Variants in GFM2 observed in about 807,000 individuals in gnomAD.
The protein encoded by GFM2 is GTP dependent ribosome recycling factor mitochondrial 2, also known as ribosome-releasing factor 2, mitochondrial.
GFM2 carries 72 observed loss-of-function variants against 95.4 expected under a neutral mutation model. That is an observed-to-expected ratio of 0.76 (90% confidence interval 0.62 to 0.92). The LOEUF is 0.92. GFM2 is among the 40% of genes least tolerant of loss of function. The probability of loss-of-function intolerance (pLI) is 0.00; values close to 1 mark genes in which losing one functional copy is unlikely to be tolerated. For missense variants in GFM2, 825 were observed against 924.1 expected (o/e 0.89, Z 1.39); for synonymous variants, 276 against 317.5 (o/e 0.87, Z 1.39).
intron 1 of GFM2, among the ~76,000 whole-genome samples, chr5:74,764,240 C>T (rs1332275419): frequency 6.6e-6 from 1 of 152,194 alleles, no homozygotes; most frequent in Non-Finnish European, 1.5e-5. Flanking sequence ...AAAGCAAGTC[C>T]TCTTCCTCTC....
intron 17 of GFM2, among the ~76,000 whole-genome samples, chr5:74,728,540 T>C (rs1294683162): frequency 1.3e-5 from 2 of 152,100 alleles, no homozygotes; most frequent in Non-Finnish European, 2.9e-5. Flanking sequence ...AAACCCATGT[T>C]GTTCAAGGGT....
chr5:74,733,590 G>T (rs1742683986), intron 15 of GFM2, among the ~76,000 whole-genome samples: 1 of 152,138 alleles, frequency 6.6e-6, no homozygotes, highest in Non-Finnish European at 1.5e-5. Flanking sequence ...GAGATCAGTG[G>T]GCAAAAGGAA....
In GFM2 at chr5:74,730,412, G is replaced by C. The variant is rs1161447707; in HGVS notation, c.1588-14C>G. Reference sequence around the variant, plus strand: ...ACACAGAACAGTCTGGTTACCAGAGGAATGAAATAAAAGATTAAGGGTAAA... The same window carrying C: ...ACACAGAACAGTCTGGTTACCAGAGCAATGAAATAAAAGATTAAGGGTAAA... On this transcript the variant is annotated splice_polypyrimidine_tract_variant and intron_variant, in intron 16 of 20. Coordinates refer to ENST00000296805, the MANE Select transcript of GFM2 (RefSeq NM_032380.5). 1.9e-6 allele frequency: 3 copies of C among 1,547,322 alleles called. No homozygotes were observed.
At chr5:74,722,906 G>A (rs1344476508) in intron 19 of GFM2, among the ~76,000 whole-genome samples, 6 of 151,944 alleles carry the variant, frequency 3.9e-5, no homozygotes, top group Admixed American at 1.3e-4. Flanking sequence ...CATGCCACAT[G>A]CCAGAGACAG....
Position 74,747,798 on chromosome 5 carries a change from A to G in GFM2, c.520-18T>C. The stretch of plus-strand genomic sequence containing the variant: ...GTCTGGGCCTAAAGCAAAGATGAGG[A>G]AAAAAATACATACTGAACAAAAGTA... On this transcript the variant is annotated intron_variant, in intron 7 of 20. Transcript: ENST00000296805. The G allele has an allele frequency of 7.2e-7, 1 of 1,396,322 alleles. No homozygotes were observed. Among genetic ancestry groups the G allele is most frequent in the Non-Finnish European group, 1.0e-6 (1 of 987,952 alleles). The allele number at this position is 1,396,322 out of a possible 1,614,324, so 86.5% of individuals were successfully genotyped here.
At chr5:74,723,824 A>G (rs1349000792) in intron 19 of GFM2, among the ~76,000 whole-genome samples, 2 of 152,176 alleles carry the variant, frequency 1.3e-5, no homozygotes, top group African/African-American at 4.8e-5. Flanking sequence ...TCTTTCCAAG[A>G]ATCCTCCCCA....
intron 7 of GFM2, 122 bp downstream of exon 7, chr5:74,750,457 T>A: frequency 1.7e-6 from 1 of 592,872 alleles, no homozygotes; most frequent in Non-Finnish European, 3.0e-6. Context: ...GATTTCCTTT[T>A]ACCATTATTT....
chr5:74,756,204 A>G (rs535812456), intron 5 of GFM2, among the ~76,000 whole-genome samples: 1 of 152,340 alleles, frequency 6.6e-6, no homozygotes, highest in African/African-American at 2.4e-5. Context: ...TAGAAGGGAC[A>G]TACCTTAAAG....
chr5:74,757,519 C>T (rs550335174), intron 5 of GFM2, among the ~76,000 whole-genome samples: 1 of 151,690 alleles, frequency 6.6e-6, no homozygotes, highest in African/African-American at 2.4e-5. Context: ...TTCACTTGAG[C>T]CCAGTTTGAG....
At chr5:74,729,258 T>C (rs1263905004) in intron 17 of GFM2, among the ~76,000 whole-genome samples, 1 of 152,224 alleles carries the variant, frequency 6.6e-6, no homozygotes, top group Admixed American at 6.5e-5. Flanking sequence ...AGAAATCTTG[T>C]TCCCTTACCA....
At chr5:74,728,744 G>GTTTTTT (rs1379623058) in intron 17 of GFM2, among the ~76,000 whole-genome samples, 1 of 89,712 alleles carries the variant, frequency 1.1e-5, no homozygotes, top group African/African-American at 4.8e-5. Context: ...ATGTGTGGGG[G>GTTTTTT]TTTCTTTTTT....
At chr5:74,758,231 T>A (rs1744098242) in intron 5 of GFM2, among the ~76,000 whole-genome samples, 1 of 152,202 alleles carries the variant, frequency 6.6e-6, no homozygotes, top group African/African-American at 2.4e-5. Context: ...TCAACTACAT[T>A]CCTAGGCAAT....
Position 74,760,337 on chromosome 5 carries a change from C to T in GFM2, c.148+565G>A, listed in dbSNP as rs528367490. Among the ~76,000 whole-genome samples the T allele has an allele frequency of 8.9e-4, 135 of 152,236 alleles. 1 individual carries two copies. The highest frequency in any genetic ancestry group is 3.1e-3 in the African/African-American group (130 of 41,538). On this transcript the variant is annotated intron_variant, in intron 3 of 20. Coordinates refer to ENST00000296805, the MANE Select transcript of GFM2 (RefSeq NM_032380.5). ...ATCAGTATTTTTATTCTATTATTCT[C>T]ACATGACAAACACAGTAATGAGAAC... is the stretch of plus-strand genomic sequence containing the variant.
chr5:74,736,570 GA>G, intron 15 of GFM2: 1 of 1,384,650 alleles, frequency 7.2e-7, no homozygotes, highest in South Asian at 1.6e-5. Context: ...GAGTAAGGAA[GA>G]ATATAATATG....
intron 5 of GFM2, among the ~76,000 whole-genome samples, chr5:74,755,948 CA>C (rs2112343486): frequency 6.6e-6 from 1 of 152,164 alleles, no homozygotes; most frequent in South Asian, 2.1e-4. Flanking sequence ...AACACAGAAG[CA>C]AAAATCCTCA....
intron 5 of GFM2, among the ~76,000 whole-genome samples, chr5:74,752,199 A>T (rs1177594883): frequency 2.0e-5 from 3 of 152,176 alleles, no homozygotes; most frequent in African/African-American, 7.2e-5. Context: ...ACTATCCTGA[A>T]CTTTATCCAA....
intron 15 of GFM2, chr5:74,736,426 A>G: frequency 1.0e-6 from 1 of 983,744 alleles, no homozygotes; most frequent in Non-Finnish European, 1.2e-6. Context: ...TGAGGTAGAA[A>G]ACAAGGTAAA....
intron 5 of GFM2, among the ~76,000 whole-genome samples, chr5:74,753,957 T>TC (rs1743845269): frequency 1.3e-5 from 2 of 151,862 alleles, no homozygotes; most frequent in South Asian, 4.2e-4. Context: ...TTTAAGAGTG[T>TC]GGGGAAAAAA....
intron 7 of GFM2, among the ~76,000 whole-genome samples, 161 bp from the exon 8 acceptor site, chr5:74,747,941 T>C (rs1288274037): frequency 6.6e-6 from 1 of 152,228 alleles, no homozygotes. Flanking sequence ...ACTCTTTAGC[T>C]ATCAAGTTAA....
Sources: allele counts gnomAD v4.1 joint callset (sites outside exome capture counted in the v4.1 genomes callset), GRCh38; gene constraint gnomAD v4.1.1; transcripts MANE v1.5; gene names NCBI Gene and HGNC (gene_info 2026-07-23, HGNC 2026-07-21).